Variants in CTSV observed in about 807,000 individuals in gnomAD.
CTSV encodes cathepsin V.
Under a neutral mutation model 35.6 loss-of-function variants are expected in CTSV, and 33 were observed. That is an observed-to-expected ratio of 0.93 (90% CI 0.70 to 1.24). The LOEUF (loss-of-function observed/expected upper bound fraction) is 1.24. CTSV is among the 50% of genes most tolerant of loss of function. The pLI is 0.00. For missense variants in CTSV, 408 were observed against 413.1 expected (o/e 0.99, Z 0.11); for synonymous variants, 154 against 147.1 (o/e 1.05, Z -0.34).
intron 2 of CTSV, 94 bp downstream of exon 2, chr9:97,037,824 T>G: frequency 6.6e-7 from 1 of 1,516,904 alleles, no homozygotes; most frequent in East Asian, 2.3e-5. Context: ...CCTGGTAAGG[T>G]CTGGTGTCTA....
At position 97,037,913 on chromosome 9, in the gene CTSV, C is replaced by A; in HGVS notation, c.126+5G>T. 6.2e-7 allele frequency: 1 copy of A among 1,613,758 alleles called. No homozygotes were observed. On this transcript the variant is annotated splice_donor_5th_base_variant and intron_variant, in intron 2 of 7. Coordinates refer to ENST00000259470, the MANE Select transcript of CTSV (RefSeq NM_001333.4). ...TCCCTCTGGACAGTTTCAGATGTTA[C>A]CAACCGCGCCATATAATCTTCTGTG... is the stretch of plus-strand genomic sequence containing the variant.
intron 1 of CTSV, chr9:97,038,423 A>T (rs1482111230): frequency 1.2e-5 from 2 of 171,116 alleles, no homozygotes; most frequent in African/African-American, 4.8e-5. Flanking sequence ...TCCCAAGTAG[A>T]TGCAAGCGGA....
chr9:97,038,825 C>T (rs1022955537), intron 1 of CTSV, among the ~76,000 whole-genome samples: 2 of 152,156 alleles, frequency 1.3e-5, no homozygotes, highest in Non-Finnish European at 1.5e-5. Context: ...GGCATGAAGC[C>T]GCCCGGTCCG....
At position 97,034,752 on chromosome 9, in the gene CTSV, G is replaced by A; in HGVS notation, c.879C>T (p.Asn293=). 3 of 1,613,982 alleles carry A rather than the reference G, an allele frequency of 1.9e-6. No homozygotes were observed. Among genetic ancestry groups the A allele is most frequent in the Non-Finnish European group, 2.5e-6 (3 of 1,179,892 alleles). ...GYGFEGANSN[N]SKYWLVKNSW... Reference sequence around the variant, plus strand: ...TGTTTTTGACGAGCCAATACTTGCTGTTATTCGAATTTGCTCCTTCAAAGC... The same window carrying A: ...TGTTTTTGACGAGCCAATACTTGCTATTATTCGAATTTGCTCCTTCAAAGC... The change falls in exon 7 of 8, where the codon AAC becomes AAT. Residue 293 remains asparagine, a synonymous_variant. Coordinates refer to ENST00000259470, the MANE Select transcript of CTSV (RefSeq NM_001333.4).
At position 97,032,774 on chromosome 9, in the gene CTSV, A is replaced by T; in HGVS notation, c.*175T>A. ...ATATCATAAAGCTGTGTATAACAAT[A>T]ATTAAAGTAGTGGTAACATTTTACC... On this transcript the variant is annotated 3_prime_UTR_variant, in exon 8 of 8. Transcript: ENST00000259470. The T allele has an allele frequency of 2.1e-6, 1 of 482,418 alleles. No individual in the cohort carries two copies. The highest frequency in any genetic ancestry group is 3.7e-6 in the Non-Finnish European group (1 of 273,706). 29.9% of individuals were successfully genotyped at this position (482,418 alleles called of 1,614,324 possible). A position where few individuals can be genotyped will look rare whatever the true frequency, so the allele number is the denominator to read the frequency against.
At position 97,029,797 on chromosome 9, in the gene CTSV, C is replaced by T. The variant is rs1371209629; in HGVS notation, c.*3152G>A. On this transcript the variant is annotated 3_prime_UTR_variant, in exon 8 of 8. Coordinates refer to ENST00000259470, the MANE Select transcript of CTSV (RefSeq NM_001333.4). The stretch of plus-strand genomic sequence containing the variant: ...GTCATGTGCTGTGTGATGTTTTGGT[C>T]AGTGACTGCATATATGATAGTGGTC... The T allele has an allele frequency of 6.6e-6, 1 of 152,226 alleles. No homozygotes were observed. Among genetic ancestry groups the T allele is most frequent in the Non-Finnish European group, 1.5e-5 (1 of 68,036 alleles). 9.4% of individuals were successfully genotyped at this position (152,226 alleles called of 1,614,324 possible).
rs1360985874 is a variant in CTSV, at chr9:97,031,959, T to A, written c.*990A>T. 6.6e-6 allele frequency: 1 copy of A among 152,242 alleles called. No homozygotes were observed. Among genetic ancestry groups the A allele is most frequent in the African/African-American group, 2.4e-5 (1 of 41,458 alleles). 9.4% of individuals were successfully genotyped at this position (152,242 alleles called of 1,614,324 possible). A position where few individuals can be genotyped will look rare whatever the true frequency, so the allele number is the denominator to read the frequency against. On this transcript the variant is annotated 3_prime_UTR_variant, in exon 8 of 8. Transcript: ENST00000259470. The stretch of plus-strand genomic sequence containing the variant: ...CCTTGGTAACTTACTTGCACCTGCG[T>A]CTTCCTCAGACTGCAAAGTGGTCAC...
chr9:97,032,536 G>T lies in CTSV; in HGVS notation c.*413C>A, dbSNP rs974918398. The T allele has an allele frequency of 6.4e-6, 1 of 156,088 alleles. No homozygotes were observed. The highest frequency in any genetic ancestry group is 2.0e-4 in the South Asian group (1 of 4,886). 9.7% of individuals were successfully genotyped at this position (156,088 alleles called of 1,614,324 possible). ...TTTATAACTACTCAAGAGCCAGGAA[G>T]CCAGCTTTCTGCTAGCATCTTTCTC... On this transcript the variant is annotated 3_prime_UTR_variant, in exon 8 of 8. Transcript: ENST00000259470.
chr9:97,033,227 A>G (rs1236477130), intron 7 of CTSV, among the ~76,000 whole-genome samples, 179 bp from the exon 8 acceptor site: 2 of 152,198 alleles, frequency 1.3e-5, no homozygotes, highest in Non-Finnish European at 2.9e-5. Flanking sequence ...CTGCAATCCC[A>G]GCACTTTGGG....
chr9:97,033,808 A>C (rs191974208), intron 7 of CTSV, among the ~76,000 whole-genome samples: 1 of 151,554 alleles, frequency 6.6e-6, no homozygotes, highest in African/African-American at 2.4e-5. Flanking sequence ...AGAATAAAAT[A>C]AAACTGGCTG....
chr9:97,031,600 G>A lies in CTSV; in HGVS notation c.*1349C>T, dbSNP rs762033250. The A allele has an allele frequency of 9.9e-5, 15 of 152,102 alleles. No individual in the cohort carries two copies. Among genetic ancestry groups the A allele is most frequent in the Admixed American group, 2.6e-4 (4 of 15,274 alleles). 9.4% of individuals were successfully genotyped at this position (152,102 alleles called of 1,614,324 possible). On this transcript the variant is annotated 3_prime_UTR_variant, in exon 8 of 8. Coordinates refer to ENST00000259470, the MANE Select transcript of CTSV (RefSeq NM_001333.4). ...AGTATTTTAAATATGCAAAAATATC[G>A]TTTTATTTGTATTTACTACCTGTGT...
Position 97,034,782 on chromosome 9 carries a change from G to C in CTSV, c.849C>G (p.Gly283=), listed in dbSNP as rs1195662647. The C allele has an allele frequency of 6.2e-7, 1 of 1,614,070 alleles. No individual in the cohort carries two copies. The highest frequency in any genetic ancestry group is 1.3e-5 in the African/African-American group (1 of 75,008). ...TCGAATTTGCTCCTTCAAAGCCGTA[G>C]CCAACCACCAGAACACCATGATCCA... The part of the protein sequence containing the change: ...KNLDHGVLVV[G]YGFEGANSNN... The change falls in exon 7 of 8, where the codon GGC becomes GGG. Residue 283 remains glycine (G), a synonymous_variant. Coordinates refer to ENST00000259470, the MANE Select transcript of CTSV (RefSeq NM_001333.4).
At position 97,032,122 on chromosome 9, in the gene CTSV, T is replaced by C. The variant is rs1275015267; in HGVS notation, c.*827A>G. On this transcript the variant is annotated 3_prime_UTR_variant, in exon 8 of 8. Coordinates refer to ENST00000259470, the MANE Select transcript of CTSV (RefSeq NM_001333.4). ...CTGCTTTCTTCTTTACTAAAACAATTTAGGGGCTGGGCGCAGTGGCTCACA... is the reference window on the plus strand; with the variant it reads ...CTGCTTTCTTCTTTACTAAAACAATCTAGGGGCTGGGCGCAGTGGCTCACA... 6.6e-6 allele frequency: 1 copy of C among 152,146 alleles called. No homozygotes were observed. Among genetic ancestry groups the C allele is most frequent in the Non-Finnish European group, 1.5e-5 (1 of 68,028 alleles). 9.4% of individuals were successfully genotyped at this position (152,146 alleles called of 1,614,324 possible). A position where few individuals can be genotyped will look rare whatever the true frequency, so the allele number is the denominator to read the frequency against.
intron 7 of CTSV, among the ~76,000 whole-genome samples, chr9:97,034,267 A>C (rs1447720470): frequency 6.6e-6 from 1 of 152,234 alleles, no homozygotes; most frequent in Non-Finnish European, 1.5e-5. Context: ...GATTCTGACA[A>C]CCTTCAAAGC....
rs1405351138 is a variant in CTSV, at chr9:97,039,121, T to C, written c.-61A>G. ...ACCCTCAGCAAACAAGCCTCTGAGA[T>C]TACAGACGTCCGCGGTCTGGTGCAG... On this transcript the variant is annotated 5_prime_UTR_variant, in exon 1 of 8. Transcript: ENST00000259470. 1.3e-5 allele frequency: 2 copies of C among 152,400 alleles called. No individual in the cohort carries two copies. Among genetic ancestry groups the C allele is most frequent in the East Asian group, 1.9e-4 (1 of 5,172 alleles). The allele number at this position is 152,400 out of a possible 1,614,324, so 9.4% of individuals were successfully genotyped here.
intron 1 of CTSV, chr9:97,038,580 T>A (rs952509328): frequency 3.3e-5 from 5 of 153,496 alleles, no homozygotes; most frequent in Non-Finnish European, 7.2e-5. Context: ...ATTCCCGCCG[T>A]CCCACACTTG....
At position 97,036,261 on chromosome 9, in the gene CTSV, C is replaced by T. The variant is rs191410321; in HGVS notation, c.621+262G>A. 1.2e-3 allele frequency: 528 copies of T among 448,756 alleles called. 1 individual carries two copies. The highest frequency in any genetic ancestry group is 1.7e-3 in the Non-Finnish European group (414 of 245,278). The allele number at this position is 448,756 out of a possible 1,614,324, so 27.8% of individuals were successfully genotyped here. ...AATTTTTTTGTATTTTTAGTAGAGACGGGGTTTCACTGTGTTAGCCAGGAT... is the reference window on the plus strand; with the variant it reads ...AATTTTTTTGTATTTTTAGTAGAGATGGGGTTTCACTGTGTTAGCCAGGAT... On this transcript the variant is annotated intron_variant, in intron 5 of 7. Coordinates refer to ENST00000259470, the MANE Select transcript of CTSV (RefSeq NM_001333.4).
chr9:97,035,535 G>A lies in CTSV; in HGVS notation c.780C>T (p.Tyr260=). Residue 260 remains tyrosine (Y), a synonymous_variant, in exon 6 of 8, where the codon TAC becomes TAT. Transcript: ENST00000259470. Reference sequence around the variant, plus strand: ...TAATAAAATGACACTTACCTGATTTGTAGAACTGGAAGGACGAATGGCCTG... The same window carrying A: ...TAATAAAATGACACTTACCTGATTTATAGAACTGGAAGGACGAATGGCCTG... The part of the protein sequence containing the change: ...MDAGHSSFQF[Y]KSGIYFEPDC... The A allele has an allele frequency of 6.5e-7, 1 of 1,535,268 alleles. No individual in the cohort carries two copies. The highest frequency in any genetic ancestry group is 8.8e-7 in the Non-Finnish European group (1 of 1,135,978).
At chr9:97,036,494 C>T (rs376429768) in intron 5 of CTSV, 29 bp downstream of exon 5, 31 of 1,530,070 alleles carry the variant, frequency 2.0e-5, no homozygotes, top group African/African-American at 6.8e-5. Context: ...AAGCAGAGCA[C>T]GAATGACAAG....
Sources: allele counts gnomAD v4.1 joint callset (sites outside exome capture counted in the v4.1 genomes callset), GRCh38; gene constraint gnomAD v4.1.1; transcripts MANE v1.5; gene names NCBI Gene and HGNC (gene_info 2026-07-23, HGNC 2026-07-21).